COL15A1: variants seen among roughly 807,000 people sequenced by gnomAD.
The protein encoded by COL15A1 is collagen alpha-1(XV) chain.
In COL15A1, 111 loss-of-function variants were observed where a neutral mutation model predicts 165.9. The observed-to-expected ratio is 0.67, with a 90% CI of 0.57 to 0.78. The LOEUF (loss-of-function observed/expected upper bound fraction) is 0.78. Ranked by LOEUF, COL15A1 falls within the 30% of genes least tolerant of loss-of-function variation. The probability of loss-of-function intolerance (pLI) is 0.00; values close to 1 mark genes in which losing one functional copy is unlikely to be tolerated. For missense variants in COL15A1, 1,745 were observed against 1,789.7 expected (o/e 0.98, Z 0.45); for synonymous variants, 659 against 674.8 (o/e 0.98, Z 0.36).
chr9:99,057,946 G>A (rs1825750518), intron 35 of COL15A1, among the ~76,000 whole-genome samples: 1 of 152,132 alleles, frequency 6.6e-6, no homozygotes, highest in Admixed American at 6.5e-5. Flanking sequence ...AGTAGCTCAA[G>A]CAAAGGGGAA....
rs538413663 is a variant in COL15A1 at position 99,036,547 on chromosome 9, G to T, written c.2409+151G>T. The T allele has an allele frequency of 1.2e-4, 82 of 689,116 alleles. 1 individual carries two copies. The South Asian group carries it at 1.2e-3, about 10-fold the overall frequency. 42.7% of individuals were successfully genotyped at this position (689,116 alleles called of 1,614,324 possible). A position where few individuals can be genotyped will look rare whatever the true frequency, so the allele number is the denominator to read the frequency against. ...AACTTCCACCTGCCAGCACCTACCTGTTCCTCCCCCAGTTCCACTGTTCTC... is the reference window on the plus strand; with the variant it reads ...AACTTCCACCTGCCAGCACCTACCTTTTCCTCCCCCAGTTCCACTGTTCTC... On this transcript the variant is annotated intron_variant, in intron 21 of 41. Coordinates refer to ENST00000375001, the MANE Select transcript of COL15A1 (RefSeq NM_001855.5).
At chr9:98,957,833 C>T (rs772844297) in intron 2 of COL15A1, among the ~76,000 whole-genome samples, 2 of 152,184 alleles carry the variant, frequency 1.3e-5, no homozygotes, top group Admixed American at 6.5e-5. Context: ...TGTGCGCCAC[C>T]ATGCCTGAAT....
chr9:98,980,908 C>T (rs976219316), intron 2 of COL15A1, among the ~76,000 whole-genome samples: 4 of 152,096 alleles, frequency 2.6e-5, no homozygotes, highest in African/African-American at 7.2e-5. Flanking sequence ...GGTGGGTCTG[C>T]GACATGCATG....
In COL15A1 at chr9:99,023,458, G is replaced by C. The variant is rs561979515; in HGVS notation, c.1854+9G>C. On this transcript the variant is annotated intron_variant, in intron 14 of 41. Transcript: ENST00000375001. Reference sequence around the variant, plus strand: ...GTGAGCAGCTGCTGAGAGTGAGTGTGAAGGAGGACACGACCTGGTGTCTGG... The same window carrying C: ...GTGAGCAGCTGCTGAGAGTGAGTGTCAAGGAGGACACGACCTGGTGTCTGG... The C allele has an allele frequency of 1.6e-6, 2 of 1,216,472 alleles. No individual in the cohort carries two copies. The highest frequency in any genetic ancestry group is 1.5e-5 in the African/African-American group (1 of 66,862). 75.4% of individuals were successfully genotyped at this position (1,216,472 alleles called of 1,614,324 possible).
At chr9:99,039,525 A>C (rs1225463965) in intron 22 of COL15A1, among the ~76,000 whole-genome samples, 6 of 152,350 alleles carry the variant, frequency 3.9e-5, no homozygotes, top group Middle Eastern at 3.4e-3. Flanking sequence ...AACAAACAAA[A>C]AAAACCAAAA....
intron 8 of COL15A1, among the ~76,000 whole-genome samples, chr9:99,004,420 T>G (rs1838720515): frequency 6.6e-6 from 1 of 152,034 alleles, no homozygotes; most frequent in East Asian, 1.9e-4. Context: ...GTGAGTGGCC[T>G]TGGGGAGAGC....
Position 99,069,842 on chromosome 9 carries a change from G to A in COL15A1, c.4123G>A (p.Val1375Ile). 1.2e-6 allele frequency: 2 copies of A among 1,614,032 alleles called. No individual in the cohort carries two copies. The highest frequency in any genetic ancestry group is 2.2e-5 in the South Asian group (2 of 91,086). The change falls in exon 42 of 42, where the codon GTC becomes ATC. Residue 1375 changes from valine to isoleucine, a missense_variant. Physicochemically the swap from Val to Ile is conservative, Grantham distance 29 (BLOSUM62 3). Transcript: ENST00000375001. ...ATACAGCTGTGCTAATCGGCTAATT[G>A]TCCTATGTATCGAAAACAGTTTCAT... is the stretch of plus-strand genomic sequence containing the variant. Reference protein sequence around the residue: ...KAYSCANRLIVLCIENSFMTD... With the variant: ...KAYSCANRLIILCIENSFMTD...
chr9:98,989,915 G>A (rs561494338), intron 5 of COL15A1, among the ~76,000 whole-genome samples: 1 of 152,224 alleles, frequency 6.6e-6, no homozygotes, highest in Non-Finnish European at 1.5e-5. Context: ...GAGTCAGACT[G>A]TGGGGACACC....
intron 7 of COL15A1, among the ~76,000 whole-genome samples, chr9:99,001,196 G>A (rs932344359): frequency 6.6e-6 from 1 of 152,124 alleles, no homozygotes; most frequent in African/African-American, 2.4e-5. Context: ...TGCCTGTGAT[G>A]AGCGAGCGTC....
chr9:99,039,860 C>A (rs1839370273), intron 22 of COL15A1, among the ~76,000 whole-genome samples: 1 of 152,176 alleles, frequency 6.6e-6, no homozygotes, highest in South Asian at 2.1e-4. Flanking sequence ...AGGTTTATGC[C>A]TTCACAGCTG....
intron 7 of COL15A1, 93 bp from the exon 8 acceptor site, chr9:99,003,360 G>A (rs1004613744): frequency 2.1e-6 from 2 of 953,422 alleles, no homozygotes; most frequent in Non-Finnish European, 2.9e-6. Context: ...AAATGCAGGT[G>A]GCTGGAGAAG....
At chr9:98,954,702 C>T (rs542445138) in intron 2 of COL15A1, among the ~76,000 whole-genome samples, 3 of 152,290 alleles carry the variant, frequency 2.0e-5, no homozygotes, top group African/African-American at 7.2e-5. Context: ...CTAGTGCATG[C>T]CCATTTTTAA....
intron 28 of COL15A1, among the ~76,000 whole-genome samples, chr9:99,048,590 A>T (rs764731894): frequency 6.6e-6 from 1 of 152,012 alleles, no homozygotes; most frequent in Non-Finnish European, 1.5e-5. Flanking sequence ...TGTGCACAAC[A>T]TGCAGGTTTG....
chr9:98,955,157 T>C (rs1837755305), intron 2 of COL15A1, among the ~76,000 whole-genome samples: 1 of 152,120 alleles, frequency 6.6e-6, no homozygotes, highest in Non-Finnish European at 1.5e-5. Flanking sequence ...GGTTTGAAAA[T>C]CTCCTGGGTG....
intron 2 of COL15A1, among the ~76,000 whole-genome samples, chr9:98,950,866 G>A (rs1011064433): frequency 2.6e-5 from 4 of 152,122 alleles, no homozygotes; most frequent in Admixed American, 6.5e-5. Flanking sequence ...GCCTCCCAAA[G>A]TGCTGGGATT....
chr9:99,043,231 T>C (rs1839441795), intron 24 of COL15A1, among the ~76,000 whole-genome samples: 1 of 151,962 alleles, frequency 6.6e-6, no homozygotes, highest in African/African-American at 2.4e-5. Context: ...CTCCAGGGCA[T>C]GGAGGGCTCG....
chr9:98,979,360 C>T (rs1045981041), intron 2 of COL15A1, among the ~76,000 whole-genome samples: 15 of 152,198 alleles, frequency 9.9e-5, no homozygotes, highest in African/African-American at 3.1e-4. Flanking sequence ...CTGCCTTAAA[C>T]CCTTGCCAAC....
chr9:99,005,564 G>A (rs1397657393), intron 9 of COL15A1, among the ~76,000 whole-genome samples: 2 of 152,146 alleles, frequency 1.3e-5, no homozygotes, highest in Non-Finnish European at 2.9e-5. Context: ...CAGCTCAGCT[G>A]ATTCAAACCT....
At chr9:99,040,003 G>C (rs1438517392) in intron 22 of COL15A1, among the ~76,000 whole-genome samples, 2 of 152,188 alleles carry the variant, frequency 1.3e-5, no homozygotes, top group Non-Finnish European at 2.9e-5. Context: ...TCTGGCACCA[G>C]GTTTCTCCCC....
Sources: gnomAD v4.1 joint callset for allele counts (sites outside exome capture counted in the v4.1 genomes callset) on GRCh38, gnomAD v4.1.1 for gene constraint, MANE v1.5 for transcripts, NCBI Gene and HGNC (gene_info 2026-07-23, HGNC 2026-07-21) for gene names.